CAMKMT: variants seen among roughly 807,000 people sequenced by gnomAD.
The protein encoded by CAMKMT is CaM KMT.
A neutral mutation model predicts 48.0 loss-of-function variants in CAMKMT; 53 were observed. The ratio of observed to expected loss-of-function variants is 1.10; its 90% confidence interval spans 0.89 to 1.39. The LOEUF is 1.39. Ranked by LOEUF, CAMKMT falls within the 40% of genes most tolerant of loss-of-function variation. The pLI, the probability that CAMKMT is intolerant of heterozygous loss-of-function variation, is 0.00. For missense variants in CAMKMT, 428 were observed against 402.7 expected (o/e 1.06, Z -0.54); for synonymous variants, 165 against 152.3 (o/e 1.08, Z -0.61).
intron 3 of CAMKMT, among the ~76,000 whole-genome samples, chr2:44,674,164 C>T (rs141016926): frequency 1.4e-3 from 213 of 152,312 alleles, no homozygotes; most frequent in African/African-American, 5.0e-3. Context: ...CTCATTACTT[C>T]ATCATGCTAT....
intron 6 of CAMKMT, among the ~76,000 whole-genome samples, chr2:44,708,211 A>ATTTTTTTTTTTTTTTTTTTTTTTTTTTT (rs59281575): frequency 2.9e-5 from 2 of 68,180 alleles, no homozygotes; most frequent in Non-Finnish European, 2.5e-5. Context: ...TTTGCTTTGG[A>ATTTTTTTTTTTTTTTTTTTTTTTTTTTT]TTTTTTTTTT....
At chr2:44,680,550 C>T (rs556901656) in intron 3 of CAMKMT, among the ~76,000 whole-genome samples, 43 of 152,270 alleles carry the variant, frequency 2.8e-4, no homozygotes, top group African/African-American at 9.1e-4. Context: ...CATTTTGATT[C>T]GTCACATGTG....
chr2:44,725,143 C>CGTGTGTGT (rs4039394), intron 7 of CAMKMT, among the ~76,000 whole-genome samples: 4,571 of 140,546 alleles, frequency 0.033, 131 homozygotes, highest in African/African-American at 0.068. Flanking sequence ...GCTTTCTGGA[C>CGTGTGTGT]GTGTGTGTGT....
At chr2:44,432,439 GCTGAAAAGCAATGCCC>G (rs1684706839) in intron 3 of CAMKMT, among the ~76,000 whole-genome samples, 1 of 152,192 alleles carries the variant, frequency 6.6e-6, no homozygotes, top group Non-Finnish European at 1.5e-5. Context: ...ATCAGGAAGT[GCTGAAAAGCAATGCCC>G]CTGGGTCTCA....
chr2:44,450,468 TCAACAAATACA>T (rs1667232175), intron 3 of CAMKMT, among the ~76,000 whole-genome samples: 1 of 152,178 alleles, frequency 6.6e-6, no homozygotes, highest in Admixed American at 6.6e-5. Context: ...TGTTGGTTCA[TCAACAAATACA>T]AACCTTAAAA....
At chr2:44,487,053 C>T (rs1007153751) in intron 3 of CAMKMT, among the ~76,000 whole-genome samples, 2 of 152,108 alleles carry the variant, frequency 1.3e-5, no homozygotes, top group Non-Finnish European at 2.9e-5. Flanking sequence ...GAATTTGGGA[C>T]CCTTTTGTAG....
intron 3 of CAMKMT, among the ~76,000 whole-genome samples, chr2:44,619,323 A>G (rs1467593157): frequency 6.6e-6 from 1 of 152,202 alleles, no homozygotes; most frequent in Non-Finnish European, 1.5e-5. Context: ...TAGATAATTG[A>G]GATTTTAAAT....
intron 3 of CAMKMT, among the ~76,000 whole-genome samples, chr2:44,640,472 C>T (rs1386813744): frequency 6.6e-6 from 1 of 152,162 alleles, no homozygotes; most frequent in Non-Finnish European, 1.5e-5. Context: ...ATTATGCTGC[C>T]TGTCCTCATA....
intron 3 of CAMKMT, among the ~76,000 whole-genome samples, chr2:44,421,164 C>T (rs961203705): frequency 3.9e-5 from 6 of 152,062 alleles, no homozygotes; most frequent in African/African-American, 1.4e-4. Context: ...CATTAAGAGA[C>T]TTGACTAATG....
At chr2:44,472,665 G>A (rs926473489) in intron 3 of CAMKMT, among the ~76,000 whole-genome samples, 1 of 152,102 alleles carries the variant, frequency 6.6e-6, no homozygotes, top group Non-Finnish European at 1.5e-5. Context: ...GCCCACAGTT[G>A]GTAGAGAGGA....
At chr2:44,578,658 T>C (rs889928067) in intron 3 of CAMKMT, among the ~76,000 whole-genome samples, 2 of 152,082 alleles carry the variant, frequency 1.3e-5, no homozygotes, top group Non-Finnish European at 2.9e-5. Context: ...AATTGGGTAA[T>C]GGGATGTGGT....
At chr2:44,500,109 T>G (rs1488143917) in intron 3 of CAMKMT, among the ~76,000 whole-genome samples, 1 of 152,140 alleles carries the variant, frequency 6.6e-6, no homozygotes, top group African/African-American at 2.4e-5. Context: ...CCTGCGAAAC[T>G]GTTGACTAAA....
At chr2:44,756,311 C>T (rs986396375) in intron 9 of CAMKMT, among the ~76,000 whole-genome samples, 2 of 152,220 alleles carry the variant, frequency 1.3e-5, no homozygotes, top group African/African-American at 2.4e-5. Flanking sequence ...GGACCTCCCC[C>T]TCTGAGTATA....
At chr2:44,711,883 T>C (rs767711688) in intron 6 of CAMKMT, among the ~76,000 whole-genome samples, 1 of 152,156 alleles carries the variant, frequency 6.6e-6, no homozygotes, top group Non-Finnish European at 1.5e-5. Flanking sequence ...AGCCCCCAAA[T>C]ATTAGAACCA....
At chr2:44,599,143 A>C (rs1031725771) in intron 3 of CAMKMT, among the ~76,000 whole-genome samples, 1 of 152,152 alleles carries the variant, frequency 6.6e-6, no homozygotes, top group African/African-American at 2.4e-5. Context: ...ATGGAATGGG[A>C]AAAACATTTA....
At chr2:44,703,027 C>T (rs1677341582) in intron 3 of CAMKMT, among the ~76,000 whole-genome samples, 2 of 152,142 alleles carry the variant, frequency 1.3e-5, no homozygotes, top group African/African-American at 2.4e-5. Context: ...AGAACATTTG[C>T]CACCCGTTCC....
intron 3 of CAMKMT, among the ~76,000 whole-genome samples, chr2:44,485,961 A>C (rs751609290): frequency 6.6e-6 from 1 of 151,908 alleles, no homozygotes. Flanking sequence ...GGGTGTGTTC[A>C]CTTTTTTTAT....
chr2:44,521,181 G>A (rs376571777), intron 3 of CAMKMT, among the ~76,000 whole-genome samples: 5 of 152,152 alleles, frequency 3.3e-5, no homozygotes, highest in African/African-American at 4.8e-5. Flanking sequence ...ATGGATTTAC[G>A]TTTATTAGAT....
At chr2:44,762,934 G>C (rs1287890139) in intron 9 of CAMKMT, among the ~76,000 whole-genome samples, 1 of 152,142 alleles carries the variant, frequency 6.6e-6, no homozygotes, top group Non-Finnish European at 1.5e-5. Flanking sequence ...TTGTGCTTTG[G>C]CAAATTGAAA....
Sources: gnomAD v4.1 joint callset for allele counts (sites outside exome capture counted in the v4.1 genomes callset) on GRCh38, gnomAD v4.1.1 for gene constraint, MANE v1.5 for transcripts, NCBI Gene and HGNC (gene_info 2026-07-23, HGNC 2026-07-21) for gene names.